The following EFR3B variants were observed in gnomAD, a reference collection of about 807,000 sequenced individuals.
EFR3B encodes the protein EFR3 homolog B.
Under a neutral mutation model 104.7 loss-of-function variants are expected in EFR3B, and 64 were observed. The ratio of observed to expected loss-of-function variants is 0.61; its 90% CI spans 0.50 to 0.75. The LOEUF is 0.75. Among genes scored for constraint, EFR3B ranks in the 30% least tolerant of loss-of-function variants. The pLI is 0.00. For missense variants in EFR3B, 750 were observed against 1,078.5 expected, an observed-to-expected ratio of 0.70 and a Z score of 4.27; for synonymous variants, 385 against 417.9, an observed-to-expected ratio of 0.92 and a Z score of 0.96.
intron 21 of EFR3B, 88 bp from the exon 22 acceptor site, chr2:25,153,624 C>T: frequency 1.5e-6 from 2 of 1,357,742 alleles, no homozygotes; most frequent in Non-Finnish European, 2.1e-6. Context: ...CCTGTACCTC[C>T]AGCGTATACT....
chr2:25,087,028 C>T (rs1668970209), intron 1 of EFR3B, among the ~76,000 whole-genome samples: 1 of 152,214 alleles, frequency 6.6e-6, no homozygotes, highest in Non-Finnish European at 1.5e-5. Context: ...CACAGTTCAG[C>T]ATGGCTGGGG....
At chr2:25,051,194 C>A (rs1024025951) in intron 1 of EFR3B, among the ~76,000 whole-genome samples, 1 of 152,178 alleles carries the variant, frequency 6.6e-6, no homozygotes, top group African/African-American at 2.4e-5. Context: ...TCACTGCAAC[C>A]TCTACCTCCT....
chr2:25,091,396 C>T lies in EFR3B; in HGVS notation c.79C>T (p.Pro27Ser). 6.5e-7 allele frequency: 1 copy of T among 1,549,428 alleles called. No individual in the cohort carries two copies. The highest frequency in any genetic ancestry group is 8.7e-7 in the Non-Finnish European group (1 of 1,146,134). Residue 27 changes from proline to serine, a missense_variant, in exon 2 of 23, where the codon CCC (proline) becomes TCC (serine). Pro to Ser is a moderately conservative substitution (Grantham distance 74). Transcript: ENST00000403714. ...GGTTGACAACATCTTCCCTGAGGAT[C>T]CCGAGGTGGGTCATGTCTCTGGCAG... ...RLVDNIFPED[P>S]EDGLVKTNME...
At chr2:25,125,715 A>G (rs10196507) in intron 5 of EFR3B, among the ~76,000 whole-genome samples, 48,568 of 152,106 alleles carry the variant, frequency 0.32, 8,076 homozygotes, top group East Asian at 0.46. Context: ...TTGGGAGGCC[A>G]AGGCGGGAGG....
At position 25,131,174 on chromosome 2, in the gene EFR3B, T is replaced by A. The variant is rs796889601; in HGVS notation, c.850-194T>A. On this transcript the variant is annotated intron_variant, in intron 8 of 22. Transcript: ENST00000403714. This position sits in a 1 kb window ranked among gnomAD's most constrained non-coding sequence, Gnocchi z 7.6. ...GAAAACTGTCAGCTGAGGCCTCCAC[T>A]GGGATTTGGCTCTTTGTTGGAGGGA... 6.6e-6 allele frequency among the ~76,000 whole-genome samples: 1 copy of A among 152,216 alleles called. No homozygotes were observed. Among genetic ancestry groups the A allele is most frequent in the Non-Finnish European group, 1.5e-5 (1 of 68,038 alleles).
intron 4 of EFR3B, among the ~76,000 whole-genome samples, chr2:25,120,312 T>C (rs1669977759): frequency 6.6e-6 from 1 of 151,544 alleles, no homozygotes; most frequent in African/African-American, 2.4e-5. Context: ...GATCATGTCA[T>C]TGCATGCCAG....
intron 3 of EFR3B, among the ~76,000 whole-genome samples, chr2:25,096,342 A>G (rs1669276033): frequency 6.6e-6 from 1 of 151,890 alleles, no homozygotes; most frequent in African/African-American, 2.4e-5. Context: ...GCCATCCTCT[A>G]CTTTCATCTC....
At chr2:25,127,847 G>T (rs1255072128) in intron 5 of EFR3B, among the ~76,000 whole-genome samples, 2 of 152,154 alleles carry the variant, frequency 1.3e-5, no homozygotes, top group African/African-American at 4.8e-5. Context: ...TCTTGGCAGC[G>T]TTTTGAGCTC....
intron 4 of EFR3B, among the ~76,000 whole-genome samples, chr2:25,107,714 G>A (rs1428981201): frequency 6.6e-6 from 1 of 151,756 alleles, no homozygotes; most frequent in East Asian, 1.9e-4. Flanking sequence ...CCCCAAGGAT[G>A]AAGTTGTCCA....
intron 1 of EFR3B, among the ~76,000 whole-genome samples, chr2:25,054,237 G>A (rs1667959024): frequency 6.6e-6 from 1 of 152,200 alleles, no homozygotes; most frequent in Non-Finnish European, 1.5e-5. Flanking sequence ...GTATGAGGGG[G>A]GTCAAATGAG....
At chr2:25,141,271 A>T in intron 16 of EFR3B, 95 bp from the exon 17 acceptor site, 1 of 1,316,094 alleles carries the variant, frequency 7.6e-7, no homozygotes, top group Non-Finnish European at 1.0e-6. Context: ...TGTGGGAGGG[A>T]GGAAGCACCG....
chr2:25,080,218 G>A (rs1668753800), intron 1 of EFR3B: 1 of 1,442,374 alleles, frequency 6.9e-7, no homozygotes, highest in African/African-American at 1.5e-5. Context: ...AAATGCTTCT[G>A]TTACTTGATG....
At chr2:25,128,698 C>T (rs965771712) in intron 6 of EFR3B, among the ~76,000 whole-genome samples, 14 of 152,046 alleles carry the variant, frequency 9.2e-5, no homozygotes, top group Admixed American at 3.9e-4. Flanking sequence ...GTGGCTCACG[C>T]CTGTAATCCC....
chr2:25,154,149 A>C lies in EFR3B; in HGVS notation c.2349-86A>C. 2 of 1,252,704 alleles carry C rather than the reference A, an allele frequency of 1.6e-6. No individual in the cohort carries two copies. Among genetic ancestry groups the C allele is most frequent in the Middle Eastern group, 3.8e-4 (2 of 5,296 alleles). The allele number at this position is 1,252,704 out of a possible 1,614,324, so 77.6% of individuals were successfully genotyped here. A position where few individuals can be genotyped will look rare whatever the true frequency, so the allele number is the denominator to read the frequency against. Reference sequence around the variant, plus strand: ...TGGTGCCTGTGCAAAAAGAAACCCAAGTCACCTACTCTGTTTGGTTGCACA... The same window carrying C: ...TGGTGCCTGTGCAAAAAGAAACCCACGTCACCTACTCTGTTTGGTTGCACA... On this transcript the variant is annotated intron_variant, in intron 22 of 22. Coordinates refer to ENST00000403714, the MANE Select transcript of EFR3B (RefSeq NM_014971.2). This position sits in a 1 kb window ranked among gnomAD's most constrained non-coding sequence, Gnocchi z 4.1.
rs565828545 is a variant in EFR3B at position 25,134,412 on chromosome 2, C to T, written c.1311+978C>T. ...CTTGAACTCCTGACCTCAAGTGATC[C>T]ACCTGCCTCGGCCTCCCAAAGTGTT... On this transcript the variant is annotated intron_variant, in intron 12 of 22. Transcript: ENST00000403714. Among the ~76,000 whole-genome samples the T allele has an allele frequency of 1.4e-4, 22 of 152,252 alleles. No homozygotes were observed. In the East Asian group the frequency reaches 4.1e-3, roughly 28 times the overall value.
intron 1 of EFR3B, 149 bp from the exon 2 acceptor site, chr2:25,091,176 G>T (rs1403393494): frequency 1.5e-6 from 1 of 654,724 alleles, no homozygotes; most frequent in South Asian, 1.9e-5. Flanking sequence ...GCTCTGGGAG[G>T]ACAAGGCCCC....
intron 4 of EFR3B, 21 bp downstream of exon 4, chr2:25,103,808 C>A: frequency 5.8e-6 from 9 of 1,550,552 alleles, no homozygotes; most frequent in Non-Finnish European, 7.9e-6. Flanking sequence ...GCCCAGGGGG[C>A]TCCAGGTCTC....
Position 25,154,494 on chromosome 2 carries a change from G to T in EFR3B, c.*154G>T. 2 of 664,252 alleles carry T rather than the reference G, an allele frequency of 3.0e-6. No homozygotes were observed. Among genetic ancestry groups the T allele is most frequent in the Non-Finnish European group, 5.1e-6 (2 of 393,042 alleles). The allele number at this position is 664,252 out of a possible 1,614,324, so 41.1% of individuals were successfully genotyped here. On this transcript the variant is annotated 3_prime_UTR_variant, in exon 23 of 23. Coordinates refer to ENST00000403714, the MANE Select transcript of EFR3B (RefSeq NM_014971.2). The surrounding 1 kb of genome is among the most constrained non-coding windows in gnomAD (Gnocchi z 4.1). ...GGCTAAGCCAAGGTGGAGACTCTCT[G>T]GTCCTTCTTGGCCCTCCTACCTCCT...
chr2:25,134,839 A>C (rs868379709), intron 12 of EFR3B, among the ~76,000 whole-genome samples: 11 of 152,212 alleles, frequency 7.2e-5, no homozygotes, highest in African/African-American at 9.7e-5. Context: ...GACCTTCTGA[A>C]TCATCAAAAG....
Sources: allele counts gnomAD v4.1 joint callset (sites outside exome capture counted in the v4.1 genomes callset), GRCh38; gene constraint gnomAD v4.1.1; non-coding constraint Gnocchi (gnomAD v3.1); transcripts MANE v1.5; gene names NCBI Gene and HGNC (gene_info 2026-07-23, HGNC 2026-07-21).